The following PLCB1 variants were observed in gnomAD, a reference collection of about 807,000 sequenced individuals.
PLCB1 encodes the protein 1-phosphatidylinositol 4,5-bisphosphate phosphodiesterase beta-1.
PLCB1 carries 46 observed loss-of-function variants against 161.8 expected under a neutral mutation model. The ratio of observed to expected loss-of-function variants is 0.28; its 90% confidence interval spans 0.22 to 0.36. The LOEUF (loss-of-function observed/expected upper bound fraction) is 0.36. Among genes scored for constraint, PLCB1 ranks in the 10% least tolerant of loss-of-function variants. The pLI is 1.00. For missense variants in PLCB1, 1,016 were observed against 1,472.5 expected, an observed-to-expected ratio of 0.69 and a Z score of 5.07; for synonymous variants, 517 against 503.7, an observed-to-expected ratio of 1.03 and a Z score of -0.35.
At chr20:8,512,779 G>A (rs73593771) in intron 3 of PLCB1, among the ~76,000 whole-genome samples, 3,527 of 152,096 alleles carry the variant, frequency 0.023, 119 homozygotes, top group African/African-American at 0.078. Flanking sequence ...ATTACCTCAC[G>A]TACTTATCAT....
chr20:8,831,803 A>T (rs1317294264), intron 31 of PLCB1, among the ~76,000 whole-genome samples: 1 of 152,110 alleles, frequency 6.6e-6, no homozygotes, highest in Non-Finnish European at 1.5e-5. Flanking sequence ...CTAGTTATTT[A>T]TATTTTGCTA....
intron 2 of PLCB1, among the ~76,000 whole-genome samples, chr20:8,330,847 A>G (rs1985340579): frequency 6.6e-6 from 1 of 152,220 alleles, no homozygotes; most frequent in Non-Finnish European, 1.5e-5. Context: ...TAAAGGATAG[A>G]TGTAAAATAC....
intron 12 of PLCB1, among the ~76,000 whole-genome samples, chr20:8,711,989 A>G (rs1397703836): frequency 1.3e-5 from 2 of 152,188 alleles, no homozygotes; most frequent in East Asian, 1.9e-4. Context: ...CACACGTCCA[A>G]AACAAATTTA....
intron 27 of PLCB1, among the ~76,000 whole-genome samples, chr20:8,777,579 C>G (rs1983003728): frequency 6.6e-6 from 1 of 151,862 alleles, no homozygotes; most frequent in African/African-American, 2.4e-5. Flanking sequence ...ATTAGCCAGG[C>G]ATGGTGGTGG....
intron 3 of PLCB1, among the ~76,000 whole-genome samples, chr20:8,469,552 A>C (rs1981962380): frequency 6.6e-6 from 1 of 151,652 alleles, no homozygotes; most frequent in African/African-American, 2.4e-5. Flanking sequence ...AACCCTACTG[A>C]GTTCCAGCTT....
rs753541613 is a variant in PLCB1 at position 8,774,638 on chromosome 20, C to T, written c.3030C>T (p.Asp1010=). 6.2e-7 allele frequency: 1 copy of T among 1,613,972 alleles called. No individual in the cohort carries two copies. Residue 1010 remains aspartate, a synonymous_variant, in exon 27 of 32, where the codon GAC becomes GAT. Coordinates refer to ENST00000338037, the MANE Select transcript of PLCB1 (RefSeq NM_015192.4). ...EMTQKLIDLK[D]KQQQQLLNLR... The stretch of plus-strand genomic sequence containing the variant: ...CCCAAAAGTTAATAGACTTGAAGGA[C>T]AAACAACAGCAGCAGCTGCTTAATC...
chr20:8,351,274 G>A (rs944295622), intron 2 of PLCB1, among the ~76,000 whole-genome samples: 4 of 151,932 alleles, frequency 2.6e-5, no homozygotes, highest in East Asian at 3.9e-4. Context: ...AATAGTGCTG[G>A]AGCAATTGGG....
intron 2 of PLCB1, among the ~76,000 whole-genome samples, chr20:8,276,289 A>G (rs1359747327): frequency 1.3e-5 from 2 of 152,202 alleles, no homozygotes; most frequent in Non-Finnish European, 2.9e-5. Context: ...TCCAAATGCT[A>G]TCAAGGGGAT....
intron 31 of PLCB1, among the ~76,000 whole-genome samples, chr20:8,847,101 C>G (rs1226080291): frequency 1.3e-5 from 2 of 152,162 alleles, no homozygotes; most frequent in Non-Finnish European, 2.9e-5. Context: ...AAAAGCTACC[C>G]AAGTGATTCT....
rs900347899 is a variant in PLCB1, at chr20:8,686,542, A to G, written c.1009+1464A>G. Among the ~76,000 whole-genome samples the G allele has an allele frequency of 3.3e-5, 5 of 152,332 alleles. No individual in the cohort carries two copies. The South Asian group carries it at 1.0e-3, about 32-fold the overall frequency. On this transcript the variant is annotated intron_variant, in intron 10 of 31. Coordinates refer to ENST00000338037, the MANE Select transcript of PLCB1 (RefSeq NM_015192.4). The stretch of plus-strand genomic sequence containing the variant: ...TAATAAATGAGTCAGTAATACCAAA[A>G]TGATTGAATGACAAGACTGATTGGA...
intron 2 of PLCB1, among the ~76,000 whole-genome samples, chr20:8,324,468 A>T (rs1985063283): frequency 6.6e-6 from 1 of 152,194 alleles, no homozygotes; most frequent in African/African-American, 2.4e-5. Flanking sequence ...TTCTTACTAT[A>T]AATTATGATT....
chr20:8,798,059 T>C (rs1843396374), intron 31 of PLCB1, among the ~76,000 whole-genome samples: 1 of 152,156 alleles, frequency 6.6e-6, no homozygotes, highest in Admixed American at 6.5e-5. Flanking sequence ...TAGTCAGGCA[T>C]GCTGGTGTGC....
chr20:8,345,752 T>A (rs1296662123), intron 2 of PLCB1, among the ~76,000 whole-genome samples: 1 of 152,204 alleles, frequency 6.6e-6, no homozygotes, highest in Non-Finnish European at 1.5e-5. Context: ...TCTCTAGGGA[T>A]CCTGAAGATG....
intron 2 of PLCB1, among the ~76,000 whole-genome samples, chr20:8,320,382 A>G (rs1048123177): frequency 1.6e-4 from 25 of 152,304 alleles, no homozygotes; most frequent in African/African-American, 5.3e-4. Context: ...GGAGGTAAGT[A>G]TTAGGTAATA....
intron 3 of PLCB1, among the ~76,000 whole-genome samples, chr20:8,474,916 C>T (rs752752593): frequency 2.0e-5 from 3 of 151,934 alleles, no homozygotes; most frequent in Non-Finnish European, 4.4e-5. Context: ...ACCTGAAGTT[C>T]GCCAGGTATG....
At chr20:8,416,799 C>G (rs1408956615) in intron 3 of PLCB1, among the ~76,000 whole-genome samples, 1 of 151,858 alleles carries the variant, frequency 6.6e-6, no homozygotes, top group Non-Finnish European at 1.5e-5. Flanking sequence ...TCCTGGTAGC[C>G]TGACTGAAGA....
chr20:8,188,010 T>G (rs2051924838), intron 2 of PLCB1, among the ~76,000 whole-genome samples: 2 of 152,224 alleles, frequency 1.3e-5, no homozygotes, highest in South Asian at 4.2e-4. Flanking sequence ...TCTCTAGCTC[T>G]CTCATGCGTG....
At chr20:8,559,143 T>C (rs937400060) in intron 3 of PLCB1, among the ~76,000 whole-genome samples, 2 of 151,922 alleles carry the variant, frequency 1.3e-5, no homozygotes, top group Admixed American at 6.6e-5. Flanking sequence ...TATGTTAGTT[T>C]AGTTTACATA....
At chr20:8,564,516 A>G (rs925651422) in intron 3 of PLCB1, among the ~76,000 whole-genome samples, 4 of 152,352 alleles carry the variant, frequency 2.6e-5, no homozygotes. Flanking sequence ...CCTTCTGCAC[A>G]GCAAAAGAAA....
Sources: gnomAD v4.1 joint callset for allele counts (sites outside exome capture counted in the v4.1 genomes callset) on GRCh38, gnomAD v4.1.1 for gene constraint, MANE v1.5 for transcripts, NCBI Gene and HGNC (gene_info 2026-07-23, HGNC 2026-07-21) for gene names.